STT3B: variants seen among roughly 807,000 people sequenced by gnomAD.
STT3B encodes the protein dolichyl-diphosphooligosaccharide--protein glycosyltransferase subunit STT3B.
In STT3B, 29 loss-of-function variants were observed where a neutral mutation model predicts 96.8. The ratio of observed to expected loss-of-function variants is 0.30; its 90% CI spans 0.22 to 0.41. STT3B has a LOEUF of 0.41. Ranked by LOEUF, STT3B falls within the 10% of genes least tolerant of loss-of-function variation. The pLI, the probability that STT3B is intolerant of heterozygous loss-of-function variation, is 1.00. For synonymous variants in STT3B, 367 were observed against 360.0 expected, an observed-to-expected ratio of 1.02 and a Z score of -0.22; for missense variants, 640 against 1,022.3, an observed-to-expected ratio of 0.63 and a Z score of 5.10.
intron 5 of STT3B, among the ~76,000 whole-genome samples, chr3:31,607,570 G>A (rs904815595): frequency 2.0e-5 from 3 of 152,140 alleles, no homozygotes; most frequent in African/African-American, 7.2e-5. Flanking sequence ...ATGGAACTGT[G>A]AGCATTAAAC....
At chr3:31,612,043 A>T (rs1190649690) in intron 5 of STT3B, among the ~76,000 whole-genome samples, 1 of 152,154 alleles carries the variant, frequency 6.6e-6, no homozygotes, top group South Asian at 2.1e-4. Context: ...CAAGTTGAGT[A>T]CTCCTAATTT....
chr3:31,549,832 C>T (rs1697507082), intron 1 of STT3B, among the ~76,000 whole-genome samples: 1 of 152,010 alleles, frequency 6.6e-6, no homozygotes, highest in Admixed American at 6.6e-5. Context: ...GTTGTGCGTG[C>T]GTTATATAAA....
At chr3:31,591,193 G>T (rs996209941) in intron 3 of STT3B, among the ~76,000 whole-genome samples, 1 of 151,780 alleles carries the variant, frequency 6.6e-6, no homozygotes, top group Non-Finnish European at 1.5e-5. Context: ...CATTTTCCTG[G>T]TATATTGACC....
intron 5 of STT3B, among the ~76,000 whole-genome samples, chr3:31,601,764 GTATAT>G (rs1698934659): frequency 6.6e-6 from 1 of 152,118 alleles, no homozygotes; most frequent in Non-Finnish European, 1.5e-5. Flanking sequence ...AAATTTTATA[GTATAT>G]TAATTGTATC....
intron 3 of STT3B, among the ~76,000 whole-genome samples, chr3:31,580,492 T>G (rs1442301011): frequency 6.6e-6 from 1 of 152,186 alleles, no homozygotes; most frequent in East Asian, 1.9e-4. Flanking sequence ...ACTTAATGAT[T>G]TTTTCCCCTG....
intron 1 of STT3B, among the ~76,000 whole-genome samples, chr3:31,559,901 A>T (rs1422957678): frequency 6.6e-6 from 1 of 151,828 alleles, no homozygotes; most frequent in Admixed American, 6.6e-5. Flanking sequence ...TAGAATTGTT[A>T]TTTCTTCTAG....
chr3:31,604,510 A>C (rs1042450065), intron 5 of STT3B, among the ~76,000 whole-genome samples: 2 of 152,188 alleles, frequency 1.3e-5, no homozygotes, highest in Admixed American at 6.5e-5. Context: ...TAATTCTACC[A>C]TACTACTGAG....
At chr3:31,565,425 A>C (rs1352049010) in intron 1 of STT3B, among the ~76,000 whole-genome samples, 1 of 152,164 alleles carries the variant, frequency 6.6e-6, no homozygotes, top group East Asian at 1.9e-4. Flanking sequence ...TTGAAAGAGG[A>C]AGGAGTTGTT....
Position 31,635,893 on chromosome 3 carries a change from T to A in STT3B, c.2401-91T>A, listed in dbSNP as rs1699746152. 5.9e-6 allele frequency: 5 copies of A among 845,578 alleles called. No homozygotes were observed. In the South Asian group the frequency reaches 1.0e-4, roughly 17 times the overall value. 52.4% of individuals were successfully genotyped at this position (845,578 alleles called of 1,614,324 possible). A position where few individuals can be genotyped will look rare whatever the true frequency, so the allele number is the denominator to read the frequency against. ...CAAGAAGAGCAGAGAGCTTACTAAGTCATCATAGTTCAGTAAACCATGTGT... is the reference window on the plus strand; with the variant it reads ...CAAGAAGAGCAGAGAGCTTACTAAGACATCATAGTTCAGTAAACCATGTGT... On this transcript the variant is annotated intron_variant, in intron 15 of 15. Coordinates refer to ENST00000295770, the MANE Select transcript of STT3B (RefSeq NM_178862.3).
intron 1 of STT3B, among the ~76,000 whole-genome samples, chr3:31,562,404 G>T (rs1029287374): frequency 2.6e-5 from 4 of 152,140 alleles, no homozygotes; most frequent in African/African-American, 9.7e-5. Flanking sequence ...TGTCACTGGT[G>T]GTGGACTTAG....
intron 1 of STT3B, among the ~76,000 whole-genome samples, chr3:31,536,561 G>C (rs1355111800): frequency 6.6e-6 from 1 of 152,154 alleles, no homozygotes; most frequent in Non-Finnish European, 1.5e-5. Flanking sequence ...AAAGACTCAA[G>C]TTAGCTGCTG....
At chr3:31,618,581 T>C (rs534722914) in intron 8 of STT3B, among the ~76,000 whole-genome samples, 3 of 152,150 alleles carry the variant, frequency 2.0e-5, no homozygotes, top group Admixed American at 1.3e-4. Context: ...TTGATTATAA[T>C]TTATGCCCCT....
intron 3 of STT3B, among the ~76,000 whole-genome samples, chr3:31,593,782 A>G (rs1274155553): frequency 6.6e-6 from 1 of 152,034 alleles, no homozygotes; most frequent in Non-Finnish European, 1.5e-5. Context: ...TTTGTGTTAT[A>G]TCATTATATT....
At chr3:31,547,082 G>A (rs1359347617) in intron 1 of STT3B, among the ~76,000 whole-genome samples, 1 of 152,116 alleles carries the variant, frequency 6.6e-6, no homozygotes, top group Admixed American at 6.5e-5. Flanking sequence ...AAATTTTTAT[G>A]TAACTGTGAC....
chr3:31,613,573 G>A (rs948541755), intron 5 of STT3B, among the ~76,000 whole-genome samples: 2 of 151,976 alleles, frequency 1.3e-5, no homozygotes, highest in Admixed American at 6.6e-5. Flanking sequence ...TCTATAGTGA[G>A]GAAACTGAAG....
At position 31,616,913 on chromosome 3, in the gene STT3B, C is replaced by T; in HGVS notation, c.977-16C>T. On this transcript the variant is annotated splice_polypyrimidine_tract_variant and intron_variant, in intron 6 of 15. Transcript: ENST00000295770. ...AAAACTGCTTTGTTGATTATGTGAC[C>T]CTTTTCTTTAATTAGGTGTCTTTGC... The T allele has an allele frequency of 1.3e-6, 2 of 1,583,528 alleles. No homozygotes were observed. Among genetic ancestry groups the T allele is most frequent in the South Asian group, 1.2e-5 (1 of 85,824 alleles).
Position 31,636,206 on chromosome 3 carries a change from C to T in STT3B, c.*142C>T, listed in dbSNP as rs1424719309. On this transcript the variant is annotated 3_prime_UTR_variant, in exon 16 of 16. Coordinates refer to ENST00000295770, the MANE Select transcript of STT3B (RefSeq NM_178862.3). ...AATGTACAAAATTTTCTGGCAATGCCTGATTAAAAAAATAAAATTGGCTTG... is the reference window on the plus strand; with the variant it reads ...AATGTACAAAATTTTCTGGCAATGCTTGATTAAAAAAATAAAATTGGCTTG... 2 of 535,004 alleles carry T rather than the reference C, an allele frequency of 3.7e-6. No individual in the cohort carries two copies. The highest frequency in any genetic ancestry group is 6.3e-6 in the Non-Finnish European group (2 of 315,324). 33.1% of individuals were successfully genotyped at this position (535,004 alleles called of 1,614,324 possible). A position where few individuals can be genotyped will look rare whatever the true frequency, so the allele number is the denominator to read the frequency against.
chr3:31,577,342 ACTGTACTAGCTG>A (rs1333312392), intron 2 of STT3B, among the ~76,000 whole-genome samples: 32 of 152,202 alleles, frequency 2.1e-4, no homozygotes, highest in Non-Finnish European at 4.6e-4. Context: ...CACACTAGCC[ACTGTACTAGCTG>A]CATTTCATAA....
chr3:31,625,750 AT>A (rs1249156545), intron 12 of STT3B, among the ~76,000 whole-genome samples: 1 of 152,196 alleles, frequency 6.6e-6, no homozygotes, highest in Non-Finnish European at 1.5e-5. Context: ...ATGTATTCTG[AT>A]TTTTGACTGT....
Sources: gnomAD v4.1 joint callset for allele counts (sites outside exome capture counted in the v4.1 genomes callset) on GRCh38, gnomAD v4.1.1 for gene constraint, MANE v1.5 for transcripts, NCBI Gene and HGNC (gene_info 2026-07-23, HGNC 2026-07-21) for gene names.